Variants in RBMS3 observed in about 807,000 individuals in gnomAD.
RBMS3 encodes RNA binding motif single stranded interacting protein 3.
Under a neutral mutation model 66.8 loss-of-function variants are expected in RBMS3, and 27 were observed. The ratio of observed to expected loss-of-function variants is 0.40; its 90% CI spans 0.30 to 0.56. The LOEUF is 0.56. Ranked by LOEUF, RBMS3 falls within the 20% of genes least tolerant of loss-of-function variation. RBMS3 has a pLI of 0.40. For synonymous variants in RBMS3, 188 were observed against 183.0 expected, an observed-to-expected ratio of 1.03 and a Z score of -0.22; for missense variants, 513 against 549.5, an observed-to-expected ratio of 0.93 and a Z score of 0.66.
chr3:29,515,949 A>C (rs899403995), intron 3 of RBMS3, among the ~76,000 whole-genome samples: 11 of 152,230 alleles, frequency 7.2e-5, no homozygotes, highest in Non-Finnish European at 1.3e-4. Context: ...GCACATGCCA[A>C]AACAGAATGC....
intron 4 of RBMS3, among the ~76,000 whole-genome samples, chr3:29,724,839 A>C (rs1337563119): frequency 6.6e-6 from 1 of 152,168 alleles, no homozygotes; most frequent in African/African-American, 2.4e-5. Context: ...TGTGTCAGCT[A>C]ACAAAAAATA....
intron 6 of RBMS3, among the ~76,000 whole-genome samples, chr3:29,867,597 T>C (rs1391663267): frequency 1.3e-5 from 2 of 149,536 alleles, no homozygotes; most frequent in African/African-American, 4.9e-5. Flanking sequence ...CATGTTCACA[T>C]ATCCATGCAG....
At chr3:29,564,099 T>C (rs570668139) in intron 3 of RBMS3, among the ~76,000 whole-genome samples, 1 of 152,112 alleles carries the variant, frequency 6.6e-6, no homozygotes, top group Non-Finnish European at 1.5e-5. Context: ...ACATTTGTGA[T>C]TGAGTCTTTT....
intron 2 of RBMS3, 102 bp downstream of exon 2, chr3:29,435,017 G>A: frequency 8.3e-7 from 1 of 1,199,876 alleles, no homozygotes; most frequent in Non-Finnish European, 1.2e-6. Context: ...TGGTGTCTCA[G>A]TGAGGAAGAC....
rs1038492668 is a variant in RBMS3, at chr3:29,489,677, G to A, written c.307+1178G>A. Among the ~76,000 whole-genome samples, 4 of 150,766 alleles carry A rather than the reference G, an allele frequency of 2.7e-5. No homozygotes were observed. In the East Asian group the frequency reaches 7.8e-4, roughly 29 times the overall value. Reference sequence around the variant, plus strand: ...AAGTCAAGGTAGAATGGGTGAGCTTGGGACAGGTGGATGTTCAGGAGAGAG... The same window carrying A: ...AAGTCAAGGTAGAATGGGTGAGCTTAGGACAGGTGGATGTTCAGGAGAGAG... On this transcript the variant is annotated intron_variant, in intron 3 of 14. Coordinates refer to ENST00000383767, the MANE Select transcript of RBMS3 (RefSeq NM_001003793.3).
At chr3:29,331,617 C>G (rs983585220) in intron 1 of RBMS3, among the ~76,000 whole-genome samples, 1 of 152,028 alleles carries the variant, frequency 6.6e-6, no homozygotes. Flanking sequence ...TTTCTGTGAT[C>G]CATGTAGAAT....
At chr3:29,881,858 T>G (rs1221751435) in intron 7 of RBMS3, among the ~76,000 whole-genome samples, 2 of 152,128 alleles carry the variant, frequency 1.3e-5, no homozygotes, top group Non-Finnish European at 2.9e-5. Flanking sequence ...CATTGGTCTC[T>G]TTGAGCACCG....
chr3:29,647,298 T>C (rs1158916770), intron 4 of RBMS3, among the ~76,000 whole-genome samples: 1 of 152,124 alleles, frequency 6.6e-6, no homozygotes, highest in Non-Finnish European at 1.5e-5. Flanking sequence ...TTTTATCAAA[T>C]GCTGAAATCT....
chr3:29,783,609 C>T (rs2056717225), intron 6 of RBMS3, among the ~76,000 whole-genome samples: 1 of 151,952 alleles, frequency 6.6e-6, no homozygotes, highest in South Asian at 2.1e-4. Flanking sequence ...AAGCATAAAC[C>T]TCACAGGACC....
At chr3:29,591,259 A>G (rs1433215439) in intron 4 of RBMS3, among the ~76,000 whole-genome samples, 1 of 152,152 alleles carries the variant, frequency 6.6e-6, no homozygotes, top group Non-Finnish European at 1.5e-5. Context: ...CAAAGCTGTG[A>G]TTGCATCTGG....
intron 10 of RBMS3, among the ~76,000 whole-genome samples, chr3:29,922,362 C>T (rs960978591): frequency 2.0e-5 from 3 of 151,544 alleles, no homozygotes; most frequent in Non-Finnish European, 4.4e-5. Flanking sequence ...TGGCGGGCGC[C>T]TGTAGTCCCA....
At chr3:29,826,044 TGC>T (rs1318860168) in intron 6 of RBMS3, among the ~76,000 whole-genome samples, 1 of 152,194 alleles carries the variant, frequency 6.6e-6, no homozygotes, top group Admixed American at 6.6e-5. Flanking sequence ...GAAAGATAAA[TGC>T]TCTTTTTCCA....
intron 1 of RBMS3, among the ~76,000 whole-genome samples, chr3:29,377,839 A>T (rs916893408): frequency 1.3e-5 from 2 of 152,196 alleles, no homozygotes; most frequent in African/African-American, 4.8e-5. Context: ...TAAGGGTTTC[A>T]TTCTAATCAT....
At chr3:29,840,074 T>C (rs1276380234) in intron 6 of RBMS3, among the ~76,000 whole-genome samples, 1 of 152,046 alleles carries the variant, frequency 6.6e-6, no homozygotes, top group Non-Finnish European at 1.5e-5. Flanking sequence ...CTTTCTCCTC[T>C]ATATCTGCAC....
chr3:29,677,577 A>G (rs540529142), intron 4 of RBMS3, among the ~76,000 whole-genome samples: 17 of 152,298 alleles, frequency 1.1e-4, no homozygotes, highest in African/African-American at 4.1e-4. Flanking sequence ...AGGAGTATCT[A>G]TTCAAACGCT....
chr3:29,423,495 A>G (rs187575645), intron 1 of RBMS3, among the ~76,000 whole-genome samples: 1 of 152,208 alleles, frequency 6.6e-6, no homozygotes. Flanking sequence ...GGTTTCTACT[A>G]AAAGGAGATT....
chr3:29,378,267 T>C (rs1223159349), intron 1 of RBMS3, among the ~76,000 whole-genome samples: 4 of 151,984 alleles, frequency 2.6e-5, no homozygotes, highest in Non-Finnish European at 5.9e-5. Context: ...GGTCAGGAGA[T>C]TGAGACCATC....
intron 6 of RBMS3, among the ~76,000 whole-genome samples, chr3:29,775,562 A>C (rs2056399912): frequency 6.6e-6 from 1 of 152,028 alleles, no homozygotes; most frequent in African/African-American, 2.4e-5. Flanking sequence ...AGAGCCAGAA[A>C]GCTAACCACA....
chr3:29,401,640 G>C (rs1212738314), intron 1 of RBMS3, among the ~76,000 whole-genome samples: 1 of 152,088 alleles, frequency 6.6e-6, no homozygotes, highest in Non-Finnish European at 1.5e-5. Flanking sequence ...TGTCATAAAG[G>C]AGCATGGGCA....
Sources: allele counts gnomAD v4.1 joint callset (sites outside exome capture counted in the v4.1 genomes callset), GRCh38; gene constraint gnomAD v4.1.1; transcripts MANE v1.5; gene names NCBI Gene and HGNC (gene_info 2026-07-23, HGNC 2026-07-21).